RGS5: variants seen among roughly 807,000 people sequenced by gnomAD.
RGS5 encodes regulator of G-protein signalling 5.
In RGS5, 20 loss-of-function variants were observed where a neutral mutation model predicts 18.9. The ratio of observed to expected loss-of-function variants is 1.06; its 90% CI spans 0.74 to 1.54. The LOEUF (loss-of-function observed/expected upper bound fraction) is 1.54, where lower values mean the gene tolerates loss of function less well. Among genes scored for constraint, RGS5 ranks in the 40% most tolerant of loss-of-function variants. RGS5 has a pLI of 0.00. For synonymous variants in RGS5, 57 were observed against 76.2 expected (o/e 0.75, Z 1.31); for missense variants, 201 against 211.8 (o/e 0.95, Z 0.32).
chr1:163,194,112 C>T (rs965349792), intron 1 of RGS5, among the ~76,000 whole-genome samples: 5 of 152,158 alleles, frequency 3.3e-5, no homozygotes, highest in South Asian at 4.2e-4. Context: ...TACAAGAAAC[C>T]GAGACCACCC....
chr1:163,248,434 G>A (rs558381126), intron 2 of RGS5: 2 of 152,216 alleles, frequency 1.3e-5, no homozygotes, highest in South Asian at 4.1e-4. Flanking sequence ...CCTCTTATAA[G>A]CCTAAGGGGT....
At chr1:163,189,252 G>T (rs548940011) in intron 1 of RGS5, among the ~76,000 whole-genome samples, 141 of 152,256 alleles carry the variant, frequency 9.3e-4, no homozygotes, top group African/African-American at 3.3e-3. Context: ...TATTGAATTT[G>T]CTATCTTGGC....
In RGS5 at chr1:163,254,168, T is replaced by G. The variant is rs549346884; in HGVS notation, c.-281+52065A>C. Among the ~76,000 whole-genome samples the G allele has an allele frequency of 2.7e-3, 412 of 149,988 alleles. 2 individuals are homozygous for G. The highest frequency in any genetic ancestry group is 9.6e-3 in the South Asian group (45 of 4,666). ...TATAGTCCTTTGGGTATATACCCAG[T>G]AATGGGATGGCTGGGTCAAATGGTA... On this transcript the variant is annotated intron_variant, in intron 2 of 5. Coordinates refer to the RGS5 transcript ENST00000618415.
At chr1:163,280,114 A>G (rs1252052125) in intron 2 of RGS5, among the ~76,000 whole-genome samples, 1 of 152,120 alleles carries the variant, frequency 6.6e-6, no homozygotes, top group African/African-American at 2.4e-5. Flanking sequence ...TTCTCAAATT[A>G]TTCCCAAAAA....
At chr1:163,308,443 T>G (rs541382536) in intron 1 of RGS5, 19 of 152,292 alleles carry the variant, frequency 1.2e-4, no homozygotes, top group Admixed American at 1.1e-3. Context: ...TTATCATCTA[T>G]TATAATCATC....
intron 3 of RGS5, 60 bp downstream of exon 3, chr1:163,161,855 G>C: frequency 7.6e-7 from 1 of 1,322,108 alleles, no homozygotes; most frequent in Middle Eastern, 1.8e-4. Flanking sequence ...ATACAAAGAT[G>C]TTTTTTGTTT....
chr1:163,169,711 A>C (rs1425166460), intron 1 of RGS5, among the ~76,000 whole-genome samples: 2 of 152,106 alleles, frequency 1.3e-5, no homozygotes. Context: ...CAGTTCCCTC[A>C]TCTGTAAAAT....
intron 1 of RGS5, among the ~76,000 whole-genome samples, chr1:163,208,518 TAAAAAAAAAAAAAAA>T (rs55700806): frequency 6.9e-5 from 1 of 14,466 alleles, no homozygotes; most frequent in Non-Finnish European, 1.2e-4. Flanking sequence ...CCACCTCCAT[TAAAAAAAAAAAAAAA>T]AAAAAAAAAA....
chr1:163,292,021 C>T (rs777688722), intron 2 of RGS5, among the ~76,000 whole-genome samples: 2 of 151,928 alleles, frequency 1.3e-5, no homozygotes, highest in Non-Finnish European at 2.9e-5. Flanking sequence ...TAATTTTCAA[C>T]TTTTAAGTTC....
At chr1:163,296,567 A>C (rs972937503) in intron 2 of RGS5, among the ~76,000 whole-genome samples, 1 of 152,204 alleles carries the variant, frequency 6.6e-6, no homozygotes, top group Non-Finnish European at 1.5e-5. Flanking sequence ...CACTGGAGGT[A>C]TTCAAACTAC....
intron 3 of RGS5, 151 bp downstream of exon 3, chr1:163,161,764 A>T: frequency 1.7e-6 from 1 of 587,166 alleles, no homozygotes; most frequent in South Asian, 1.9e-5. Context: ...GGATAATCAC[A>T]TACCTGCAGC....
At chr1:163,191,664 G>GC (rs1393355467) in intron 1 of RGS5, among the ~76,000 whole-genome samples, 1 of 152,148 alleles carries the variant, frequency 6.6e-6, no homozygotes, top group Non-Finnish European at 1.5e-5. Flanking sequence ...GGTGCTAGGA[G>GC]CACCTTTTAT....
chr1:163,160,501 C>A (rs1487370710), intron 3 of RGS5, among the ~76,000 whole-genome samples: 2 of 152,060 alleles, frequency 1.3e-5, no homozygotes, highest in Admixed American at 1.3e-4. Context: ...TGTGTCAGGG[C>A]AGGGTACTTT....
At chr1:163,179,142 T>C (rs1038950641) in intron 1 of RGS5, among the ~76,000 whole-genome samples, 32 of 152,112 alleles carry the variant, frequency 2.1e-4, no homozygotes, top group African/African-American at 7.2e-4. Flanking sequence ...TCTTAGAAAA[T>C]CCAATTAATA....
At chr1:163,192,514 T>G (rs1413191350) in intron 1 of RGS5, among the ~76,000 whole-genome samples, 1 of 152,162 alleles carries the variant, frequency 6.6e-6, no homozygotes, top group African/African-American at 2.4e-5. Flanking sequence ...AAAATTCCCA[T>G]CAATCTACGT....
intron 2 of RGS5, among the ~76,000 whole-genome samples, chr1:163,240,906 C>T (rs758538538): frequency 5.3e-5 from 8 of 152,146 alleles, no homozygotes; most frequent in Non-Finnish European, 5.9e-5. Flanking sequence ...TGATGGCACA[C>T]GCCTATAGCC....
chr1:163,185,972 G>T (rs1042243863), intron 1 of RGS5, among the ~76,000 whole-genome samples: 1 of 151,994 alleles, frequency 6.6e-6, no homozygotes, highest in Non-Finnish European at 1.5e-5. Context: ...CAGCATATGG[G>T]CTTTTAATTA....
intron 2 of RGS5, among the ~76,000 whole-genome samples, chr1:163,245,600 T>G (rs1342964931): frequency 6.6e-6 from 1 of 152,190 alleles, no homozygotes; most frequent in Admixed American, 6.5e-5. Context: ...TTTATCACAG[T>G]TGAGAATGCA....
chr1:163,309,586 G>C (rs1040666308), intron 1 of RGS5, among the ~76,000 whole-genome samples: 12 of 151,920 alleles, frequency 7.9e-5, no homozygotes, highest in Non-Finnish European at 1.5e-5. Flanking sequence ...ATCTTCAGGT[G>C]CCACTTCTAA....
Sources: allele counts gnomAD v4.1 joint callset (sites outside exome capture counted in the v4.1 genomes callset), GRCh38; gene constraint gnomAD v4.1.1; transcripts MANE v1.5; gene names NCBI Gene and HGNC (gene_info 2026-07-23, HGNC 2026-07-21).